The following ABCA2 variants were observed in gnomAD, a reference collection of about 807,000 sequenced individuals.
ABCA2 encodes ATP-binding cassette sub-family A member 2.
Under a neutral mutation model 262.8 loss-of-function variants are expected in ABCA2, and 84 were observed. The observed-to-expected ratio is 0.32, with a 90% CI of 0.27 to 0.38. The LOEUF (loss-of-function observed/expected upper bound fraction) is 0.38, where lower values mean the gene tolerates loss of function less well. Among genes scored for constraint, ABCA2 ranks in the 10% least tolerant of loss-of-function variants. ABCA2 has a pLI of 1.00. For synonymous variants in ABCA2, 1,696 were observed against 1,502.9 expected (o/e 1.13, Z -2.97); for missense variants, 2,662 against 3,405.9 (o/e 0.78, Z 5.44).
chr9:137,022,820 G>A lies in ABCA2; in HGVS notation c.321C>T (p.Gly107=). The A allele has an allele frequency of 1.3e-6, 2 of 1,590,068 alleles. No homozygotes were observed. Among genetic ancestry groups the A allele is most frequent in the South Asian group, 1.1e-5 (1 of 87,466 alleles). ...TGGGCCGCGCTGGGTCAAACAGGTT[G>A]CCTTCCTCCACCACGCGGTCCAGGC... ...LERLDRVVEE[G]NLFDPARPSL... is the part of the protein sequence containing the mutation. Residue 107 remains glycine (G), a synonymous_variant, in exon 5 of 49, where the codon GGC becomes GGT. Coordinates refer to ENST00000341511, the MANE Select transcript of ABCA2 (RefSeq NM_001606.5).
chr9:137,018,252 C>T lies in ABCA2; in HGVS notation c.1919G>A (p.Arg640His), dbSNP rs1488634207. 1.2e-5 allele frequency: 20 copies of T among 1,610,702 alleles called. No individual in the cohort carries two copies. The East Asian group carries it at 2.0e-4, about 16-fold the overall frequency. ...SSFTEKTNEI[R>H]RAYWRPGPNT... is the part of the protein sequence containing the mutation. ...GGGCCCAGGCCGCCAGTAGGCGCGG[C>T]GGATCTCGTTGGTTTTCTCGGTGAA... The change falls in exon 14 of 49, where the codon CGC becomes CAC. Residue 640 changes from arginine (R) to histidine (H), a missense_variant. By Grantham distance (29) the Arg-to-His change is conservative. Coordinates refer to ENST00000341511, the MANE Select transcript of ABCA2 (RefSeq NM_001606.5).
intron 17 of ABCA2, 57 bp from the exon 18 acceptor site, chr9:137,017,403 C>T (rs979814566): frequency 1.9e-6 from 3 of 1,605,950 alleles, no homozygotes; most frequent in Non-Finnish European, 2.6e-6. Context: ...GCCTCCTGGG[C>T]AGGCCCGTGC....
chr9:137,020,963 C>A lies in ABCA2; in HGVS notation c.996G>T (p.Lys332Asn). ...ACAGGACATCCACATCCTGCAGAACCTTCTGGGCATCCAGCAGGTCCCCCA... is the reference window on the plus strand; with the variant it reads ...ACAGGACATCCACATCCTGCAGAACATTCTGGGCATCCAGCAGGTCCCCCA... Reference protein sequence around the residue: ...ALLGDLLDAQKVLQDVDVLSA... With the variant: ...ALLGDLLDAQNVLQDVDVLSA... The change falls in exon 9 of 49, where the codon AAG becomes AAT. Residue 332 changes from lysine (K) to asparagine (N), a missense_variant. Transcript: ENST00000341511. 6.4e-7 allele frequency: 1 copy of A among 1,556,580 alleles called. No individual in the cohort carries two copies. Among genetic ancestry groups the A allele is most frequent in the Non-Finnish European group, 8.7e-7 (1 of 1,150,398 alleles).
chr9:137,023,315 T>C (rs1831543600), intron 3 of ABCA2: 3 of 667,446 alleles, frequency 4.5e-6, no homozygotes, highest in Non-Finnish European at 8.2e-6. Context: ...AGCATTCCTT[T>C]CCTTTCAGCC....
chr9:137,024,756 G>A (rs1359103371), intron 1 of ABCA2, among the ~76,000 whole-genome samples: 1 of 151,888 alleles, frequency 6.6e-6, no homozygotes, highest in African/African-American at 2.4e-5. Flanking sequence ...GAGAAGACCT[G>A]GTAAGGGGTC....
rs570793562 is a variant in ABCA2, at chr9:137,017,853, G to A, written c.2145C>T (p.Ser715=). ...EHMMPLCMVI[S]WVYSVAMTIQ... ...TGGTCATGGCCACGGAGTAGACCCAGGAGATCACCATGCACAGCGGCATCA... is the reference window on the plus strand; with the variant it reads ...TGGTCATGGCCACGGAGTAGACCCAAGAGATCACCATGCACAGCGGCATCA... The change falls in exon 16 of 49, where the codon TCC becomes TCT. Residue 715 remains serine, a synonymous_variant. Coordinates refer to ENST00000341511, the MANE Select transcript of ABCA2 (RefSeq NM_001606.5). 4 of 1,612,644 alleles carry A rather than the reference G, an allele frequency of 2.5e-6. No homozygotes were observed. Among genetic ancestry groups the A allele is most frequent in the East Asian group, 2.2e-5 (1 of 44,876 alleles).
chr9:137,007,851 T>A lies in ABCA2; in HGVS notation c.*78A>T. 1 of 1,569,696 alleles carries A rather than the reference T, an allele frequency of 6.4e-7. No homozygotes were observed. Among genetic ancestry groups the A allele is most frequent in the Non-Finnish European group, 8.6e-7 (1 of 1,157,980 alleles). On this transcript the variant is annotated 3_prime_UTR_variant, in exon 49 of 49. Coordinates refer to ENST00000341511, the MANE Select transcript of ABCA2 (RefSeq NM_001606.5). ...AGGCCCTGGCAGGCACTGGGGGACTTCTGTCCCCATTGTTGAGTCCCTGGC... is the reference window on the plus strand; with the variant it reads ...AGGCCCTGGCAGGCACTGGGGGACTACTGTCCCCATTGTTGAGTCCCTGGC...
At chr9:137,024,891 C>G (rs1174687770) in intron 1 of ABCA2, among the ~76,000 whole-genome samples, 1 of 152,074 alleles carries the variant, frequency 6.6e-6, no homozygotes, top group African/African-American at 2.4e-5. Flanking sequence ...CTCCGTCCCC[C>G]AAGTTCACAC....
chr9:137,017,722 C>A, intron 16 of ABCA2, 30 bp from the exon 17 acceptor site: 1 of 1,609,336 alleles, frequency 6.2e-7, no homozygotes, highest in Non-Finnish European at 8.5e-7. Context: ...TTGGGGCAGG[C>A]CCCGGGGAGG....
Position 137,024,222 on chromosome 9 carries a change from G to T in ABCA2, c.81C>A (p.Phe27Leu). 2 of 1,611,220 alleles carry T rather than the reference G, an allele frequency of 1.2e-6. No individual in the cohort carries two copies. The highest frequency in any genetic ancestry group is 2.2e-5 in the East Asian group (1 of 44,824). The change falls in exon 2 of 49, where the codon TTC (phenylalanine) becomes TTA (leucine). Residue 27 changes from phenylalanine (F) to leucine (L), a missense_variant. Around this residue, in one of 12 missense-constraint regions of ABCA2, gnomAD observed 101 missense variants for 152.3 expected, o/e 0.66. Transcript: ENST00000341511. ...ACAGCACCAGGGGGATGAAGATCTC[G>T]AAGGCCAGGACCCACTGGAAAGGGT... ...LKRRSPWVLA[F>L]EIFIPLVLFF...
In ABCA2 at chr9:137,014,416, GA is replaced by G; in HGVS notation, c.4004-13del. ...GGACTCCTTCACATCTGCCGCAGTG[GA>G]AGGGCCGAGGGGACACTCAGGGCTA... is the stretch of plus-strand genomic sequence containing the variant. On this transcript the variant is annotated splice_polypyrimidine_tract_variant and intron_variant, in intron 26 of 48. Coordinates refer to ENST00000341511, the MANE Select transcript of ABCA2 (RefSeq NM_001606.5). The G allele has an allele frequency of 1.3e-6, 2 of 1,575,852 alleles. No individual in the cohort carries two copies. The highest frequency in any genetic ancestry group is 1.3e-5 in the African/African-American group (1 of 74,100).
chr9:137,007,892 C>A lies in ABCA2; in HGVS notation c.*37G>T. The A allele has an allele frequency of 1.9e-6, 3 of 1,603,126 alleles. No homozygotes were observed. In the South Asian group the frequency reaches 3.3e-5, roughly 18 times the overall value. ...AGTCCCTGGCCCAGCTCTGGGTGGT[C>A]AGTGGAGCGTGTCCTCCCTGGCCCA... is the stretch of plus-strand genomic sequence containing the variant. On this transcript the variant is annotated 3_prime_UTR_variant, in exon 49 of 49. Transcript: ENST00000341511.
rs1831255996 is a variant in ABCA2, at chr9:137,016,239, G to A, written c.3104+52C>T. 9.6e-5 allele frequency: 155 copies of A among 1,611,294 alleles called. 4 individuals carry two copies. The South Asian group carries it at 1.7e-3, about 17-fold the overall frequency. ...AGGGGCCCCACCCTGCCCTGACTAG[G>A]ACTCCTGCTCTGGTCAGCAGATGCC... On this transcript the variant is annotated intron_variant, in intron 21 of 48. Transcript: ENST00000341511.
chr9:137,017,119 G>A lies in ABCA2; in HGVS notation c.2559C>T (p.Leu853=), dbSNP rs144508979. 2.8e-3 allele frequency: 4,577 copies of A among 1,612,512 alleles called. 20 individuals carry two copies. The highest frequency in any genetic ancestry group is 0.015 in the Middle Eastern group (93 of 6,060). The change falls in exon 19 of 49, where the codon CTC becomes CTT. Residue 853 remains leucine (L), a synonymous_variant. Coordinates refer to ENST00000341511, the MANE Select transcript of ABCA2 (RefSeq NM_001606.5). ...CCAGACCAAAGGCCGTCGTGGACAT[G>A]AGGGACTGAGAAGGCAGTGGTGTCA... ...ITAFEKCIAS[L]MSTTAFGLGS... is the part of the protein sequence containing the mutation.
intron 10 of ABCA2, chr9:137,020,087 C>T (rs982642386): frequency 2.4e-5 from 13 of 551,488 alleles, no homozygotes; most frequent in African/African-American, 1.3e-4. Context: ...TGCCCTGGAC[C>T]GGCCACCCCC....
intron 6 of ABCA2, 65 bp downstream of exon 6, chr9:137,022,286 A>C (rs972000956): frequency 8.0e-6 from 12 of 1,502,942 alleles, no homozygotes; most frequent in Non-Finnish European, 9.8e-6. Context: ...AGGATGGCTC[A>C]GCAACCAGGG....
At position 137,019,278 on chromosome 9, in the gene ABCA2, T is replaced by C; in HGVS notation, c.1454A>G (p.Asn485Ser). ...CCAGACCTGGGCATAGTGAGTCACG[T>C]TGCCCACAAAAGCAAAAGTCTCGTT... ...KANETFAFVG[N>S]VTHYAQVWLN... is the part of the protein sequence containing the mutation. Residue 485 changes from asparagine to serine, a missense_variant, in exon 11 of 49, where the codon AAC becomes AGC. Transcript: ENST00000341511. The surrounding 1 kb of genome is among the most constrained non-coding windows in gnomAD (Gnocchi z 4.4). The C allele has an allele frequency of 1.2e-6, 2 of 1,612,586 alleles. No homozygotes were observed. Among genetic ancestry groups the C allele is most frequent in the Non-Finnish European group, 1.7e-6 (2 of 1,179,838 alleles).
chr9:137,009,332 G>GCCCCCCCCCCC, intron 45 of ABCA2, 38 bp downstream of exon 45: 1 of 980,404 alleles, frequency 1.0e-6, no homozygotes. Flanking sequence ...CCCCCCCCGG[G>GCCCCCCCCCCC]CCCGCCCCAG....
At chr9:137,028,661 G>GT, upstream of ABCA2, 1 of 1,147,508 alleles carries the variant, frequency 8.7e-7, no homozygotes, top group Non-Finnish European at 1.1e-6. This position sits in a 1 kb window ranked among gnomAD's most constrained non-coding sequence, Gnocchi z 6.9. Flanking sequence ...GCTCACCCCC[G>GT]TAAGGGTCTC....
Sources: allele counts gnomAD v4.1 joint callset (sites outside exome capture counted in the v4.1 genomes callset), GRCh38; gene constraint gnomAD v4.1.1; regional missense constraint gnomAD v4.1.1; non-coding constraint Gnocchi (gnomAD v3.1); transcripts MANE v1.5; gene names NCBI Gene and HGNC (gene_info 2026-07-23, HGNC 2026-07-21).